The following CLSTN2 variants were observed in gnomAD, a reference collection of about 807,000 sequenced individuals.
The protein encoded by CLSTN2 is calsyntenin 2.
A neutral mutation model predicts 101.2 loss-of-function variants in CLSTN2; 48 were observed. That is an observed-to-expected ratio of 0.47 (90% CI 0.38 to 0.60). The LOEUF is 0.60. Among genes scored for constraint, CLSTN2 ranks in the 20% least tolerant of loss-of-function variants. The pLI is 0.00. For synonymous variants in CLSTN2, 481 were observed against 463.6 expected, an observed-to-expected ratio of 1.04 and a Z score of -0.48; for missense variants, 1,160 against 1,238.2, an observed-to-expected ratio of 0.94 and a Z score of 0.95.
chr3:140,430,656 C>T (rs74403678), intron 5 of CLSTN2, among the ~76,000 whole-genome samples: 7,437 of 152,118 alleles, frequency 0.049, 647 homozygotes, highest in African/African-American at 0.17. Flanking sequence ...TGTCCATTGG[C>T]GCCTTAGCAG....
At chr3:140,419,493 A>AT (rs1396124195) in intron 4 of CLSTN2, among the ~76,000 whole-genome samples, 790 of 71,120 alleles carry the variant, frequency 0.011, 181 homozygotes, top group Admixed American at 0.015. Context: ...AAAAAAAAAA[A>AT]AATATATATA....
At chr3:140,127,003 T>C (rs889922008) in intron 1 of CLSTN2, among the ~76,000 whole-genome samples, 6 of 136,896 alleles carry the variant, frequency 4.4e-5, no homozygotes, top group Admixed American at 7.3e-5. Context: ...AGGTTATCAC[T>C]ATGTGTCATT....
intron 1 of CLSTN2, among the ~76,000 whole-genome samples, chr3:139,999,121 C>T (rs954292855): frequency 6.6e-6 from 1 of 152,148 alleles, no homozygotes; most frequent in Non-Finnish European, 1.5e-5. Flanking sequence ...GCATCAGCCA[C>T]TTGAGGCGGT....
At chr3:139,964,357 G>A in intron 1 of CLSTN2, among the ~76,000 whole-genome samples, 1 of 152,168 alleles carries the variant, frequency 6.6e-6, no homozygotes, top group South Asian at 2.1e-4. Flanking sequence ...TCTAATTTGG[G>A]CCATGTTGGA....
At chr3:140,410,610 A>G (rs1399223250) in intron 4 of CLSTN2, among the ~76,000 whole-genome samples, 4 of 152,154 alleles carry the variant, frequency 2.6e-5, no homozygotes, top group Non-Finnish European at 5.9e-5. Flanking sequence ...ACAAAATCAT[A>G]TGAAGGTATG....
chr3:140,104,154 C>T (rs368473419), intron 1 of CLSTN2, among the ~76,000 whole-genome samples: 40 of 152,330 alleles, frequency 2.6e-4, no homozygotes, highest in South Asian at 1.5e-3. Flanking sequence ...GATATCTTTC[C>T]TCTCTGCTGA....
rs1433266601 is a variant in CLSTN2, at chr3:140,570,072, T to G, written c.*3819T>G. ...TAATAAGGGCTCTACTTTGTATACATGGACCATCCAGTGAGAGAGCTGGGG... is the reference window on the plus strand; with the variant it reads ...TAATAAGGGCTCTACTTTGTATACAGGGACCATCCAGTGAGAGAGCTGGGG... On this transcript the variant is annotated 3_prime_UTR_variant, in exon 17 of 17. Coordinates refer to ENST00000458420, the MANE Select transcript of CLSTN2 (RefSeq NM_022131.3). The G allele has an allele frequency of 1.3e-5, 2 of 152,234 alleles. No homozygotes were observed. The highest frequency in any genetic ancestry group is 2.9e-5 in the Non-Finnish European group (2 of 68,046). 9.4% of individuals were successfully genotyped at this position (152,234 alleles called of 1,614,324 possible).
chr3:139,981,542 A>G (rs1935922524), intron 1 of CLSTN2, among the ~76,000 whole-genome samples: 1 of 152,230 alleles, frequency 6.6e-6, no homozygotes, highest in African/African-American at 2.4e-5. Flanking sequence ...TTAAATGTCA[A>G]TGACTATTCC....
At chr3:140,106,173 T>A (rs185499965) in intron 1 of CLSTN2, among the ~76,000 whole-genome samples, 1 of 152,188 alleles carries the variant, frequency 6.6e-6, no homozygotes, top group African/African-American at 2.4e-5. Flanking sequence ...ATACCTTCCC[T>A]GAGTAACAGA....
chr3:140,125,120 GC>G (rs1209265804), intron 1 of CLSTN2, among the ~76,000 whole-genome samples: 1 of 152,134 alleles, frequency 6.6e-6, no homozygotes, highest in Non-Finnish European at 1.5e-5. Flanking sequence ...TAGGAACAGA[GC>G]CCAACTTTAG....
At chr3:140,440,608 T>C (rs891530864) in intron 5 of CLSTN2, among the ~76,000 whole-genome samples, 1 of 152,134 alleles carries the variant, frequency 6.6e-6, no homozygotes, top group Non-Finnish European at 1.5e-5. Context: ...AACTCTGAAA[T>C]AGGTAATGAT....
At chr3:140,057,987 C>T (rs2008130719) in intron 1 of CLSTN2, among the ~76,000 whole-genome samples, 1 of 152,160 alleles carries the variant, frequency 6.6e-6, no homozygotes, top group East Asian at 1.9e-4. Flanking sequence ...TCCAGAAGTT[C>T]ACGCTCTGCA....
At chr3:140,272,310 C>T (rs1277836105) in intron 2 of CLSTN2, among the ~76,000 whole-genome samples, 1 of 152,170 alleles carries the variant, frequency 6.6e-6, no homozygotes, top group Non-Finnish European at 1.5e-5. Flanking sequence ...TCTTTTATGC[C>T]AGACACAGAG....
chr3:140,347,180 T>C (rs1281943188), intron 2 of CLSTN2, among the ~76,000 whole-genome samples: 1 of 152,232 alleles, frequency 6.6e-6, no homozygotes, highest in Non-Finnish European at 1.5e-5. Context: ...GACTGAAACA[T>C]GGAGTAAAAT....
chr3:139,938,271 G>A (rs1935064817), intron 1 of CLSTN2, among the ~76,000 whole-genome samples: 1 of 152,056 alleles, frequency 6.6e-6, no homozygotes, highest in South Asian at 2.1e-4. Flanking sequence ...TGACAGAGTT[G>A]AATGCACCCT....
intron 1 of CLSTN2, among the ~76,000 whole-genome samples, chr3:139,967,811 A>G (rs1400088286): frequency 6.6e-6 from 1 of 151,812 alleles, no homozygotes; most frequent in African/African-American, 2.4e-5. Context: ...AAACAGTTCC[A>G]TGGTTTTACA....
intron 1 of CLSTN2, among the ~76,000 whole-genome samples, chr3:139,984,163 C>A (rs1935983468): frequency 6.6e-6 from 1 of 152,106 alleles, no homozygotes; most frequent in South Asian, 2.1e-4. Context: ...GTGTTTGAGA[C>A]AGCAGTGGAG....
intron 8 of CLSTN2, among the ~76,000 whole-genome samples, chr3:140,473,859 G>A (rs1025856775): frequency 3.9e-5 from 6 of 152,084 alleles, no homozygotes; most frequent in East Asian, 3.9e-4. Flanking sequence ...CCGGGCTCAC[G>A]CAATTCTCCT....
At chr3:140,345,897 G>A (rs73228933) in intron 2 of CLSTN2, among the ~76,000 whole-genome samples, 4,807 of 152,276 alleles carry the variant, frequency 0.032, 116 homozygotes, top group Middle Eastern at 0.058. Context: ...CGCTGTGAAT[G>A]ATCATTCTGA....
Sources: gnomAD v4.1 joint callset for allele counts (sites outside exome capture counted in the v4.1 genomes callset) on GRCh38, gnomAD v4.1.1 for gene constraint, MANE v1.5 for transcripts, NCBI Gene and HGNC (gene_info 2026-07-23, HGNC 2026-07-21) for gene names.